The following PDE4DIP variants were observed in gnomAD, a reference collection of about 807,000 sequenced individuals.
The protein encoded by PDE4DIP is myomegalin.
In PDE4DIP, 59 loss-of-function variants were observed where a neutral mutation model predicts 221.4. The observed-to-expected ratio is 0.27, with a 90% CI of 0.22 to 0.33. PDE4DIP has a LOEUF of 0.33. Among genes scored for constraint, PDE4DIP ranks in the 10% least tolerant of loss-of-function variants. PDE4DIP has a pLI of 1.00. For missense variants in PDE4DIP, 1,036 were observed against 2,154.2 expected (o/e 0.48, Z 10.28); for synonymous variants, 404 against 815.9 (o/e 0.50, Z 8.60).
At position 148,824,440 on chromosome 1, in the gene PDE4DIP, C is replaced by T. The variant is rs1236091649; in HGVS notation, c.233+15703C>T. ...TTAAAAAATAATCTAATCTCGGAAG[C>T]AACATTCCATCACTGCTGCCCTACT... is the stretch of plus-strand genomic sequence containing the variant. On this transcript the variant is annotated intron_variant, in intron 1 of 45. Coordinates refer to the PDE4DIP transcript ENST00000524974. Among the ~76,000 whole-genome samples the T allele has an allele frequency of 2.2e-5, 3 of 136,170 alleles. No homozygotes were observed. The East Asian group carries it at 6.1e-4, about 28-fold the overall frequency. The allele number at this position is 136,170 out of a possible 152,430, so 89.3% of individuals were successfully genotyped here. A position where few individuals can be genotyped will look rare whatever the true frequency, so the allele number is the denominator to read the frequency against.
intron 1 of PDE4DIP, among the ~76,000 whole-genome samples, chr1:148,815,572 T>A (rs1553355551): frequency 2.8e-5 from 3 of 106,068 alleles, no homozygotes; most frequent in Non-Finnish European, 6.2e-5. Flanking sequence ...AAAAAAGAAC[T>A]AAATAAACTC....
At chr1:149,029,976 C>T (rs1214129077) in intron 42 of PDE4DIP, 51 bp downstream of exon 45, 5 of 731,340 alleles carry the variant, frequency 6.8e-6, no homozygotes, top group East Asian at 2.6e-5. Context: ...CTTCCCGATG[C>T]CCCACTTGTG....
rs1283886313 is a variant in PDE4DIP at position 148,995,801 on chromosome 1, G to A, written c.2905-2342G>A. Among the ~76,000 whole-genome samples, 36 of 150,576 alleles carry A rather than the reference G, an allele frequency of 2.4e-4. 1 individual carries two copies. Among genetic ancestry groups the A allele is most frequent in the Admixed American group, 2.1e-3 (32 of 15,130 alleles). On this transcript the variant is annotated intron_variant, in intron 22 of 43. Transcript: ENST00000369354. Reference sequence around the variant, plus strand: ...ACATTTAAAACTTAAAGTTACATATGTATACATGTGCCATGCTGTGCTGCA... The same window carrying A: ...ACATTTAAAACTTAAAGTTACATATATATACATGTGCCATGCTGTGCTGCA...
intron 1 of PDE4DIP, among the ~76,000 whole-genome samples, chr1:148,859,672 T>C (rs1209677093): frequency 4.5e-4 from 66 of 146,748 alleles, no homozygotes; most frequent in African/African-American, 1.7e-3. Context: ...GCATGAGTCA[T>C]TCATGAATTG....
Position 149,012,578 on chromosome 1 carries a change from T to C in PDE4DIP, c.5081-13T>C, listed in dbSNP as rs782614220. 1.6e-4 allele frequency: 249 copies of C among 1,577,440 alleles called. No homozygotes were observed. Among genetic ancestry groups the C allele is most frequent in the Non-Finnish European group, 2.1e-4 (242 of 1,164,738 alleles). On this transcript the variant is annotated splice_polypyrimidine_tract_variant and intron_variant, in intron 31 of 43. Coordinates refer to ENST00000369354, the Ensembl canonical transcript of PDE4DIP. ...ATGATGTGTCTCTTTTCTCCTTAACTTTCTTTTCCTAGGCTTTCATTTTCA... is the reference window on the plus strand; with the variant it reads ...ATGATGTGTCTCTTTTCTCCTTAACCTTCTTTTCCTAGGCTTTCATTTTCA...
rs1386333851 is a variant in PDE4DIP at position 148,990,200 on chromosome 1, G to A, written c.2816-1685G>A. 1.3e-5 allele frequency: 13 copies of A among 984,428 alleles called. No individual in the cohort carries two copies. In the South Asian group the frequency reaches 5.2e-4, roughly 39 times the overall value. The allele number at this position is 984,428 out of a possible 1,614,324, so 61.0% of individuals were successfully genotyped here. A position where few individuals can be genotyped will look rare whatever the true frequency, so the allele number is the denominator to read the frequency against. Reference sequence around the variant, plus strand: ...GATGTGAACTGCCCCCTCAAACATGGGAGAAAAAGTTTCAGCATTTTAATT... The same window carrying A: ...GATGTGAACTGCCCCCTCAAACATGAGAGAAAAAGTTTCAGCATTTTAATT... On this transcript the variant is annotated intron_variant, in intron 21 of 43. Transcript: ENST00000369354.
rs587714965 is a variant in PDE4DIP at position 149,028,409 on chromosome 1, G to A, written c.6670-151G>A. 330 of 560,944 alleles carry A rather than the reference G, an allele frequency of 5.9e-4. 3 individuals are homozygous for A. Among genetic ancestry groups the A allele is most frequent in the South Asian group, 5.3e-3 (211 of 39,590 alleles). The allele number at this position is 560,944 out of a possible 1,614,324, so 34.7% of individuals were successfully genotyped here. On this transcript the variant is annotated intron_variant, in intron 40 of 43. Transcript: ENST00000369354. ...GAAGGCATTCCTGGTAAAGGGAGCA[G>A]CACCTTAGTTCTGAGAGCTGCAAAT... is the stretch of plus-strand genomic sequence containing the variant.
At chr1:149,010,621 G>A (rs782793874) in intron 31 of PDE4DIP, 26 bp downstream of exon 34, 1 of 1,610,942 alleles carries the variant, frequency 6.2e-7, no homozygotes, top group Non-Finnish European at 8.5e-7. Flanking sequence ...TGGGGCAGAA[G>A]CTTCATCTCC....
chr1:148,949,619 G>C (rs2052644776), intron 5 of PDE4DIP, among the ~76,000 whole-genome samples: 1 of 152,174 alleles, frequency 6.6e-6, no homozygotes. Flanking sequence ...TTGACCACAA[G>C]ATAATAATGG....
exon 41 of PDE4DIP, chr1:149,028,600 C>T (rs2075854374): frequency 6.2e-7 from 1 of 1,610,450 alleles, no homozygotes; most frequent in African/African-American, 1.3e-5. Context: ...CGGAGCAGCA[C>T]CAGTGCCCTG....
chr1:148,973,359 T>C (rs1267270901), intron 16 of PDE4DIP, among the ~76,000 whole-genome samples: 1 of 149,814 alleles, frequency 6.7e-6, no homozygotes, highest in Non-Finnish European at 1.5e-5. Context: ...CTCAATCTCC[T>C]GACCTCGTGA....
At chr1:149,031,947 A>C (rs1553638483) in exon 44 of PDE4DIP, 1 of 1,607,342 alleles carries the variant, frequency 6.2e-7, no homozygotes, top group African/African-American at 1.3e-5. Context: ...TCTGCAGGTG[A>C]AATCCCTAAG....
intron 1 of PDE4DIP, among the ~76,000 whole-genome samples, chr1:148,906,207 A>AT (rs2041784311): frequency 2.1e-5 from 3 of 146,176 alleles, no homozygotes; most frequent in Admixed American, 7.0e-5. Flanking sequence ...CAATTTGAAG[A>AT]TTTTTTTAAT....
intron 6 of PDE4DIP, among the ~76,000 whole-genome samples, 195 bp downstream of exon 9, chr1:148,960,980 C>T (rs587669172): frequency 6.6e-6 from 1 of 152,148 alleles, no homozygotes; most frequent in Non-Finnish European, 1.5e-5. Context: ...CTGTACAGAT[C>T]ATAATTTCTG....
chr1:148,990,409 A>T (rs1482508666), intron 21 of PDE4DIP: 1 of 929,694 alleles, frequency 1.1e-6, no homozygotes, highest in African/African-American at 1.8e-5. Flanking sequence ...CCTTATCTGT[A>T]TTGGGTAGTG....
At chr1:149,015,652 A>G (rs1178374175) in intron 32 of PDE4DIP, among the ~76,000 whole-genome samples, 1 of 151,326 alleles carries the variant, frequency 6.6e-6, no homozygotes, top group African/African-American at 2.4e-5. Context: ...ATAGTATTCA[A>G]TGATTCTTTA....
Position 149,030,229 on chromosome 1 carries a change from C to T in PDE4DIP, c.6953-3C>T, listed in dbSNP as rs782321883. The T allele has an allele frequency of 2.0e-6, 3 of 1,483,928 alleles. No homozygotes were observed. Among genetic ancestry groups the T allele is most frequent in the Non-Finnish European group, 2.8e-6 (3 of 1,085,770 alleles). The allele number at this position is 1,483,928 out of a possible 1,614,324, so 91.9% of individuals were successfully genotyped here. On this transcript the variant is annotated splice_region_variant and splice_polypyrimidine_tract_variant and intron_variant, in intron 42 of 43. Transcript: ENST00000369354. ...ACTCTGTGGTGCTCTTTTGTTGTTT[C>T]AGTAACCAGAACACATGATGTTTTA... is the stretch of plus-strand genomic sequence containing the variant.
At chr1:148,932,904 G>A (rs1303105627) in intron 4 of PDE4DIP, among the ~76,000 whole-genome samples, 22 of 152,098 alleles carry the variant, frequency 1.4e-4, no homozygotes, top group African/African-American at 3.9e-4. Flanking sequence ...GGATTAATAC[G>A]CTTGTAAAAG....
At chr1:149,025,350 T>G (rs2074834421) in intron 38 of PDE4DIP, among the ~76,000 whole-genome samples, 1 of 151,646 alleles carries the variant, frequency 6.6e-6, no homozygotes, top group African/African-American at 2.4e-5. Flanking sequence ...GGTGGGGAAC[T>G]CAGTGTATGG....
Sources: allele counts gnomAD v4.1 joint callset (sites outside exome capture counted in the v4.1 genomes callset), GRCh38; gene constraint gnomAD v4.1.1; transcripts MANE v1.5; gene names NCBI Gene and HGNC (gene_info 2026-07-23, HGNC 2026-07-21).